Variants in TMPRSS9 observed in about 807,000 individuals in gnomAD.
The protein encoded by TMPRSS9 is transmembrane protease serine 9.
Under a neutral mutation model 111.4 loss-of-function variants are expected in TMPRSS9, and 113 were observed. The ratio of observed to expected loss-of-function variants is 1.01; its 90% CI spans 0.87 to 1.19. The LOEUF is 1.19. TMPRSS9 is among the 50% of genes most tolerant of loss of function. TMPRSS9 has a pLI of 0.00. For synonymous variants in TMPRSS9, 805 were observed against 659.1 expected (o/e 1.22, Z -3.39); for missense variants, 1,803 against 1,513.1 (o/e 1.19, Z -3.18).
upstream of TMPRSS9, among the ~76,000 whole-genome samples, chr19:2,387,795 A>G (rs1970509028): frequency 1.3e-5 from 2 of 152,006 alleles, no homozygotes; most frequent in Admixed American, 1.3e-4. Flanking sequence ...GGTCAGGAGC[A>G]CTTTGGGTTT....
rs1971063952 is a variant in TMPRSS9, at chr19:2,410,164, G to A, written c.1118-94G>A. On this transcript the variant is annotated intron_variant, in intron 8 of 17. Coordinates refer to ENST00000648592, the Ensembl canonical transcript of TMPRSS9. ...GCTTGGAGCTGGGGAAACTGAGGGA[G>A]GCTTGGAGAGGAGCTGTCCTTCAGC... is the stretch of plus-strand genomic sequence containing the variant. 2.6e-6 allele frequency: 4 copies of A among 1,551,724 alleles called. No individual in the cohort carries two copies. The South Asian group carries it at 4.8e-5, about 19-fold the overall frequency.
At chr19:2,391,537 C>A (rs1599287098) in intron 1 of TMPRSS9, among the ~76,000 whole-genome samples, 1 of 151,160 alleles carries the variant, frequency 6.6e-6, no homozygotes, top group South Asian at 2.1e-4. Flanking sequence ...ATGGTGCACA[C>A]GTGTTCATTT....
chr19:2,385,261 T>TC (rs984449712), upstream of TMPRSS9, among the ~76,000 whole-genome samples: 2 of 151,048 alleles, frequency 1.3e-5, no homozygotes, highest in African/African-American at 4.9e-5. Context: ...GGAGGAGGGA[T>TC]CCCAGTGCTC....
At position 2,370,787 on chromosome 19, in the gene TMPRSS9, G is replaced by A. The variant is rs1599996; in HGVS notation, c.-26+10427G>A. Among the ~76,000 whole-genome samples the A allele has an allele frequency of 3.4e-4, 51 of 151,670 alleles. No homozygotes were observed. The South Asian group carries it at 9.8e-3, about 29-fold the overall frequency. On this transcript the variant is annotated intron_variant, in intron 1 of 17. Transcript: ENST00000649857. ...AGACTGGACAACATTGCAAGACCTC[G>A]TCTCTACAAAAACTTAAAAAAAAAA...
exon 17 of TMPRSS9, chr19:2,425,474 G>A (rs943552959): frequency 3.8e-6 from 6 of 1,590,154 alleles, no homozygotes; most frequent in Non-Finnish European, 4.3e-6. Context: ...TTCCCGCAGG[G>A]TGGCGTGGAC....
rs767368223 is a variant in TMPRSS9 at position 2,408,447 on chromosome 19, A to G, written c.934A>G (p.Ile312Val). Residue 312 changes from isoleucine to valine, a missense_variant, in exon 8 of 18, where the codon ATC becomes GTC. Transcript: ENST00000648592. ...CACCGTGCGGGCCCAGGTGGTCCAGATCGTCAAGCACCCCCTGTACAACGC... is the reference window on the plus strand; with the variant it reads ...CACCGTGCGGGCCCAGGTGGTCCAGGTCGTCAAGCACCCCCTGTACAACGC... The G allele has an allele frequency of 7.4e-6, 12 of 1,613,740 alleles. No individual in the cohort carries two copies. In the Middle Eastern group the frequency reaches 4.9e-4, roughly 66 times the overall value.
exon 13 of TMPRSS9, chr19:2,418,059 G>A: frequency 6.2e-7 from 1 of 1,612,396 alleles, no homozygotes; most frequent in Non-Finnish European, 8.5e-7. Flanking sequence ...CAGAAAACCT[G>A]TAGTGTGCTC....
chr19:2,389,052 G>A (rs1308429030), upstream of TMPRSS9, among the ~76,000 whole-genome samples: 6 of 150,090 alleles, frequency 4.0e-5, no homozygotes, highest in Admixed American at 1.3e-4. Flanking sequence ...TCACACAGCC[G>A]CCCAGCCAGC....
chr19:2,381,146 G>A lies in TMPRSS9; in HGVS notation c.-25-8615G>A, dbSNP rs373845925. ...ATCGTATCTGTCTCATTCAGGGTTCGACGCAGCCAGGCCTGGCCCATCGTA... is the reference window on the plus strand; with the variant it reads ...ATCGTATCTGTCTCATTCAGGGTTCAACGCAGCCAGGCCTGGCCCATCGTA... On this transcript the variant is annotated intron_variant, in intron 1 of 17. Transcript: ENST00000649857. Among the ~76,000 whole-genome samples the A allele has an allele frequency of 4.6e-5, 7 of 152,094 alleles. No homozygotes were observed. In the East Asian group the frequency reaches 7.7e-4, roughly 17 times the overall value.
chr19:2,408,437 G>T (rs151128963), exon 8 of TMPRSS9: 2 of 1,613,924 alleles, frequency 1.2e-6, no homozygotes, highest in South Asian at 2.2e-5. Context: ...TGCGGGCCCA[G>T]GTGGTCCAGA....
At chr19:2,414,534 G>A (rs908300872) in intron 10 of TMPRSS9, among the ~76,000 whole-genome samples, 3 of 151,946 alleles carry the variant, frequency 2.0e-5, no homozygotes, top group Non-Finnish European at 4.4e-5. Context: ...CACCATGCCC[G>A]GTCTGGAATA....
At chr19:2,364,303 G>A (rs1235818772) in intron 1 of TMPRSS9, among the ~76,000 whole-genome samples, 1 of 152,204 alleles carries the variant, frequency 6.6e-6, no homozygotes, top group Admixed American at 6.5e-5. Context: ...GATGGTTGAC[G>A]CAGCCCTGCA....
chr19:2,396,723 G>C (rs191465479), intron 2 of TMPRSS9, 57 bp downstream of exon 3: 13 of 1,552,370 alleles, frequency 8.4e-6, no homozygotes, highest in African/African-American at 1.3e-5. Context: ...CGGGGGCTTT[G>C]ACCTGGAGGT....
chr19:2,408,426 G>A lies in TMPRSS9; in HGVS notation c.913G>A (p.Val305Met), dbSNP rs774825478. 37 of 1,613,676 alleles carry A rather than the reference G, an allele frequency of 2.3e-5. No homozygotes were observed. The highest frequency in any genetic ancestry group is 1.6e-4 in the Middle Eastern group (1 of 6,084). Residue 305 changes from valine to methionine, a missense_variant, in exon 8 of 18, where the codon GTG becomes ATG. Val to Met is a conservative substitution (Grantham distance 21). Transcript: ENST00000648592. Reference sequence around the variant, plus strand: ...CCTCAGCGGCTCGGAGGCCAGCACCGTGCGGGCCCAGGTGGTCCAGATCGT... The same window carrying A: ...CCTCAGCGGCTCGGAGGCCAGCACCATGCGGGCCCAGGTGGTCCAGATCGT...
intron 13 of TMPRSS9, 140 bp downstream of exon 14, chr19:2,418,278 T>C (rs1156755867): frequency 1.8e-4 from 137 of 775,126 alleles, no homozygotes; most frequent in African/African-American, 4.7e-4. Context: ...CCTTCCCTCC[T>C]TTTCCTTTCC....
chr19:2,381,324 G>C (rs1599279365), intron 1 of TMPRSS9, among the ~76,000 whole-genome samples: 1 of 152,102 alleles, frequency 6.6e-6, no homozygotes, highest in East Asian at 1.9e-4. Context: ...AGGGTCAGCA[G>C]AGGCAGCTGG....
intron 1 of TMPRSS9, among the ~76,000 whole-genome samples, chr19:2,384,648 T>C (rs1052644659): frequency 4.6e-5 from 7 of 151,728 alleles, no homozygotes; most frequent in Non-Finnish European, 8.8e-5. Flanking sequence ...ACCCCGTCTC[T>C]ACTAAAAATA....
At chr19:2,424,711 C>A (rs989661238) in intron 15 of TMPRSS9, among the ~76,000 whole-genome samples, 1 of 152,172 alleles carries the variant, frequency 6.6e-6, no homozygotes, top group African/African-American at 2.4e-5. Flanking sequence ...GGACACCCAG[C>A]TCTGGGCTCT....
At chr19:2,405,374 A>T in exon 7 of TMPRSS9, 3 of 1,594,374 alleles carry the variant, frequency 1.9e-6, no homozygotes, top group Non-Finnish European at 2.6e-6. Flanking sequence ...TGTCTTGCAG[A>T]GTGTGGCTTG....
Sources: gnomAD v4.1 joint callset for allele counts (sites outside exome capture counted in the v4.1 genomes callset) on GRCh38, gnomAD v4.1.1 for gene constraint, MANE v1.5 for transcripts, NCBI Gene and HGNC (gene_info 2026-07-23, HGNC 2026-07-21) for gene names.